PDSS2: variants seen among roughly 807,000 people sequenced by gnomAD.
The protein encoded by PDSS2 is decaprenyl diphosphate synthase subunit 2, also known as all trans-polyprenyl-diphosphate synthase PDSS2.
In PDSS2, 31 loss-of-function variants were observed where a neutral mutation model predicts 44.5. That is an observed-to-expected ratio of 0.70 (90% CI 0.52 to 0.94). The LOEUF is 0.94. Ranked by LOEUF, PDSS2 falls within the 40% of genes least tolerant of loss-of-function variation. The pLI is 0.00. For missense variants in PDSS2, 452 were observed against 482.2 expected (o/e 0.94, Z 0.59); for synonymous variants, 157 against 180.3 (o/e 0.87, Z 1.03).
intron 2 of PDSS2, among the ~76,000 whole-genome samples, chr6:107,332,825 G>C (rs1777754860): frequency 6.6e-6 from 1 of 152,168 alleles, no homozygotes; most frequent in Non-Finnish European, 1.5e-5. Context: ...TAACCTAAAA[G>C]CACTAAACAA....
intron 7 of PDSS2, among the ~76,000 whole-genome samples, chr6:107,157,820 G>A (rs1273760085): frequency 1.3e-5 from 2 of 151,712 alleles, no homozygotes; most frequent in Non-Finnish European, 2.9e-5. Context: ...ACAGGCACCC[G>A]CCACCACGCC....
chr6:107,193,291 G>A (rs921550388), intron 7 of PDSS2, among the ~76,000 whole-genome samples: 17 of 152,196 alleles, frequency 1.1e-4, no homozygotes, highest in African/African-American at 4.1e-4. Flanking sequence ...AAGAGGGTCT[G>A]ATGCAGTGGT....
intron 1 of PDSS2, among the ~76,000 whole-genome samples, chr6:107,455,659 CAGG>C (rs1782013777): frequency 7.1e-6 from 1 of 140,438 alleles, no homozygotes; most frequent in South Asian, 2.3e-4. Flanking sequence ...GAGGCTGAGG[CAGG>C]AGAATTGCTT....
At chr6:107,439,112 A>G (rs1781441221) in intron 1 of PDSS2, among the ~76,000 whole-genome samples, 1 of 152,258 alleles carries the variant, frequency 6.6e-6, no homozygotes, top group Non-Finnish European at 1.5e-5. Flanking sequence ...AAGCAGGCAT[A>G]CTGCCCTCCT....
chr6:107,366,928 AT>A (rs1778976090), intron 1 of PDSS2, among the ~76,000 whole-genome samples: 1 of 152,158 alleles, frequency 6.6e-6, no homozygotes, highest in Non-Finnish European at 1.5e-5. Flanking sequence ...TTAGAAAGAA[AT>A]ACTGATTCTT....
At chr6:107,441,780 TC>T (rs1174741068) in intron 1 of PDSS2, among the ~76,000 whole-genome samples, 1 of 152,162 alleles carries the variant, frequency 6.6e-6, no homozygotes, top group Non-Finnish European at 1.5e-5. Flanking sequence ...GAAATTCTTT[TC>T]CCTTATTCTG....
At chr6:107,363,321 G>C (rs899481376) in intron 1 of PDSS2, among the ~76,000 whole-genome samples, 1 of 152,182 alleles carries the variant, frequency 6.6e-6, no homozygotes, top group South Asian at 2.1e-4. Context: ...AGACCCTCGC[G>C]GTGAGTCTTA....
At chr6:107,379,880 AT>A (rs1325612652) in intron 1 of PDSS2, among the ~76,000 whole-genome samples, 2 of 152,076 alleles carry the variant, frequency 1.3e-5, no homozygotes, top group Non-Finnish European at 1.5e-5. Context: ...ATTGATAATG[AT>A]TAATATATTT....
intron 1 of PDSS2, among the ~76,000 whole-genome samples, chr6:107,453,093 TGA>T (rs983414498): frequency 1.9e-4 from 28 of 151,260 alleles, no homozygotes; most frequent in African/African-American, 6.8e-4. Context: ...TTTTTGAGAC[TGA>T]GTCTTGCTCT....
At chr6:107,354,746 C>A (rs1374801895) in intron 1 of PDSS2, among the ~76,000 whole-genome samples, 3 of 152,122 alleles carry the variant, frequency 2.0e-5, no homozygotes, top group South Asian at 4.1e-4. Flanking sequence ...ATTTTCCAAG[C>A]TAGCTTGAGG....
At chr6:107,442,033 T>C (rs542682992) in intron 1 of PDSS2, among the ~76,000 whole-genome samples, 2 of 152,328 alleles carry the variant, frequency 1.3e-5, no homozygotes, top group African/African-American at 4.8e-5. Flanking sequence ...AGAAACTGTC[T>C]GTAAATTCCT....
At chr6:107,280,705 C>G (rs1242623703) in intron 2 of PDSS2, among the ~76,000 whole-genome samples, 1 of 152,138 alleles carries the variant, frequency 6.6e-6, no homozygotes, top group Non-Finnish European at 1.5e-5. Context: ...AACAAACAAA[C>G]AACCCAAATT....
At chr6:107,361,488 G>A (rs926826082) in intron 1 of PDSS2, among the ~76,000 whole-genome samples, 3 of 152,124 alleles carry the variant, frequency 2.0e-5, no homozygotes, top group Non-Finnish European at 4.4e-5. Flanking sequence ...AAACTTCAGG[G>A]TTGACATTTT....
At chr6:107,406,467 G>A (rs1424921134) in intron 1 of PDSS2, among the ~76,000 whole-genome samples, 5 of 152,110 alleles carry the variant, frequency 3.3e-5, no homozygotes. Flanking sequence ...TCTTTACCAA[G>A]CACTTTCTGA....
intron 1 of PDSS2, among the ~76,000 whole-genome samples, chr6:107,427,000 T>C (rs575528789): frequency 6.6e-6 from 1 of 152,220 alleles, no homozygotes; most frequent in South Asian, 2.1e-4. Flanking sequence ...AAAGGCATAA[T>C]TGGTTTTGAA....
At chr6:107,187,245 A>G (rs1436714120) in intron 7 of PDSS2, among the ~76,000 whole-genome samples, 1 of 152,206 alleles carries the variant, frequency 6.6e-6, no homozygotes, top group Non-Finnish European at 1.5e-5. Context: ...ATGTCTTTAA[A>G]TATCAGAATA....
chr6:107,322,553 A>C (rs74816741), intron 2 of PDSS2, among the ~76,000 whole-genome samples: 2 of 148,064 alleles, frequency 1.4e-5, no homozygotes, highest in African/African-American at 2.5e-5. Context: ...ACAACAACAA[A>C]AAAACTTGAG....
chr6:107,378,795 T>A (rs1343074796), intron 1 of PDSS2, among the ~76,000 whole-genome samples: 2 of 152,106 alleles, frequency 1.3e-5, no homozygotes, highest in African/African-American at 4.8e-5. Context: ...AATAAAAAAA[T>A]GTGTTGTTCA....
intron 7 of PDSS2, among the ~76,000 whole-genome samples, chr6:107,180,476 A>G (rs904144446): frequency 5.3e-5 from 8 of 152,222 alleles, no homozygotes; most frequent in Non-Finnish European, 4.4e-5. Context: ...TTCCTTATGA[A>G]TTAGAAGAAC....
Sources: gnomAD v4.1 joint callset for allele counts (sites outside exome capture counted in the v4.1 genomes callset) on GRCh38, gnomAD v4.1.1 for gene constraint, MANE v1.5 for transcripts, NCBI Gene and HGNC (gene_info 2026-07-23, HGNC 2026-07-21) for gene names.